NUCKS1: variants seen among roughly 807,000 people sequenced by gnomAD.
The protein encoded by NUCKS1 is nuclear ubiquitous casein and cyclin-dependent kinase substrate 1.
A neutral mutation model predicts 33.0 loss-of-function variants in NUCKS1; 2 were observed. The observed-to-expected ratio is 0.06, with a 90% CI of 0.02 to 0.19. NUCKS1 has a LOEUF of 0.19. NUCKS1 is among the 10% of genes least tolerant of loss of function. The probability of loss-of-function intolerance (pLI) is 1.00; values close to 1 mark genes in which losing one functional copy is unlikely to be tolerated. For missense variants in NUCKS1, 201 were observed against 293.6 expected (o/e 0.68, Z 2.31); for synonymous variants, 106 against 102.8 (o/e 1.03, Z -0.19).
At position 205,750,101 on chromosome 1, in the gene NUCKS1, G is replaced by T; in HGVS notation, c.-128C>A. On this transcript the variant is annotated 5_prime_UTR_variant, in exon 1 of 7. Transcript: ENST00000367142. ...CGCTGCTGCCGAACCCCGAGCTGCT[G>T]GCTTCTCAAACTCCGCTGCTCTTTG... 1 of 1,028,174 alleles carries T rather than the reference G, an allele frequency of 9.7e-7. No homozygotes were observed. The highest frequency in any genetic ancestry group is 1.4e-6 in the Non-Finnish European group (1 of 695,176). 63.7% of individuals were successfully genotyped at this position (1,028,174 alleles called of 1,614,324 possible).
At chr1:205,738,273 C>T (rs1654076339) in intron 1 of NUCKS1, among the ~76,000 whole-genome samples, 1 of 151,996 alleles carries the variant, frequency 6.6e-6, no homozygotes, top group South Asian at 2.1e-4. Context: ...AGTGATCTGC[C>T]CGCCTTGGCC....
At chr1:205,748,402 CTTTAT>C (rs1034725479) in intron 1 of NUCKS1, among the ~76,000 whole-genome samples, 32 of 152,140 alleles carry the variant, frequency 2.1e-4, no homozygotes, top group East Asian at 3.8e-4. Flanking sequence ...TAAAATAAAT[CTTTAT>C]TTTATTATTT....
chr1:205,731,279 T>C (rs535291059), intron 1 of NUCKS1: 1 of 152,470 alleles, frequency 6.6e-6, no homozygotes, highest in South Asian at 2.1e-4. Flanking sequence ...TGGGGATATA[T>C]GCATGGTCTT....
chr1:205,723,847 T>C, intron 4 of NUCKS1, 79 bp downstream of exon 4: 5 of 1,037,624 alleles, frequency 4.8e-6, no homozygotes, highest in Non-Finnish European at 5.8e-6. Flanking sequence ...GTGCCTGGCA[T>C]AGAAATCACT....
chr1:205,729,525 TC>T, intron 2 of NUCKS1, 46 bp downstream of exon 2: 1 of 1,303,966 alleles, frequency 7.7e-7, no homozygotes, highest in Non-Finnish European at 1.1e-6. Flanking sequence ...GCTGGTAACC[TC>T]CACTGGTCAG....
rs545226163 is a variant in NUCKS1 at position 205,749,487 on chromosome 1, C to T, written c.17+470G>A. Reference sequence around the variant, plus strand: ...CCGCTACAGAGAGGGCTCAGGGCCCCCACCCCCGCGCCAGTCGCTGGGGGA... The same window carrying T: ...CCGCTACAGAGAGGGCTCAGGGCCCTCACCCCCGCGCCAGTCGCTGGGGGA... On this transcript the variant is annotated intron_variant, in intron 1 of 6. Coordinates refer to ENST00000367142, the MANE Select transcript of NUCKS1 (RefSeq NM_022731.5). Among the ~76,000 whole-genome samples the T allele has an allele frequency of 7.2e-5, 11 of 152,278 alleles. No individual in the cohort carries two copies. The South Asian group carries it at 2.1e-3, about 29-fold the overall frequency.
intron 1 of NUCKS1, among the ~76,000 whole-genome samples, chr1:205,745,405 C>G (rs1654295791): frequency 6.6e-6 from 1 of 152,144 alleles, no homozygotes; most frequent in African/African-American, 2.4e-5. Context: ...GGGAGGATCA[C>G]CTGAGCCTGA....
In NUCKS1 at chr1:205,718,362, T is replaced by C. The variant is rs769946248; in HGVS notation, c.650A>G (p.Glu217Gly). Residue 217 changes from glutamate to glycine, a missense_variant, in exon 7 of 7, where the codon GAA (glutamate) becomes GGA (glycine). Coordinates refer to ENST00000367142, the MANE Select transcript of NUCKS1 (RefSeq NM_022731.5). ...EEDEEPESPP[E>G]KKTSTSPPPE... ...TGGGGGGCTTGTAGATGTTTTCTTT[T>C]CTGGCGGGCTTTCCGGTTCCTCATC... The C allele has an allele frequency of 6.2e-7, 1 of 1,613,860 alleles. No individual in the cohort carries two copies.
chr1:205,725,090 C>T (rs1302462795), intron 3 of NUCKS1, among the ~76,000 whole-genome samples: 1 of 152,116 alleles, frequency 6.6e-6, no homozygotes, highest in Non-Finnish European at 1.5e-5. Context: ...CCATGTTGCC[C>T]AGGCTGGTGA....
chr1:205,739,996 G>GGTTT (rs1654125649), intron 1 of NUCKS1, among the ~76,000 whole-genome samples: 2 of 40,206 alleles, frequency 5.0e-5, no homozygotes, highest in Non-Finnish European at 1.3e-4. Flanking sequence ...ATTTACTTTA[G>GGTTT]GTTTTTTTTT....
At chr1:205,721,676 C>CTTT (rs202035796) in intron 4 of NUCKS1, among the ~76,000 whole-genome samples, 1 of 143,526 alleles carries the variant, frequency 7.0e-6, no homozygotes, top group Non-Finnish European at 1.5e-5. Context: ...TGTGGAAAAC[C>CTTT]TTTTTTTTTT....
chr1:205,731,182 T>C (rs1459982411), intron 1 of NUCKS1: 1 of 152,210 alleles, frequency 6.6e-6, no homozygotes, highest in East Asian at 1.9e-4. Context: ...TTCTTTTGTT[T>C]CTAAACTTTT....
Position 205,727,729 on chromosome 1 carries a change from C to T in NUCKS1, c.144G>A (p.Arg48=), listed in dbSNP as rs571647553. 4 of 1,613,408 alleles carry T rather than the reference C, an allele frequency of 2.5e-6. No individual in the cohort carries two copies. Among genetic ancestry groups the T allele is most frequent in the South Asian group, 2.2e-5 (2 of 91,064 alleles). The change falls in exon 3 of 7, where the codon AGG becomes AGA. Residue 48 remains arginine, a synonymous_variant. Coordinates refer to ENST00000367142, the MANE Select transcript of NUCKS1 (RefSeq NM_022731.5). ...RSSPREAKNK[R]RSGKNSQEDS... ...CTTCCTGTGAATTCTTTCCAGATCG[C>T]CTCTTATTTTTAGCTTCTCGGGGAG...
chr1:205,740,861 A>T lies in NUCKS1; in HGVS notation c.17+9096T>A, dbSNP rs182603594. On this transcript the variant is annotated intron_variant, in intron 1 of 6. Coordinates refer to ENST00000367142, the MANE Select transcript of NUCKS1 (RefSeq NM_022731.5). ...TATACTTAGTATGTATATATATATAAAACCAATATATTACCAACTTGTTAA... is the reference window on the plus strand; with the variant it reads ...TATACTTAGTATGTATATATATATATAACCAATATATTACCAACTTGTTAA... 2.3e-3 allele frequency among the ~76,000 whole-genome samples: 344 copies of T among 151,040 alleles called. 1 individual carries two copies. Among genetic ancestry groups the T allele is most frequent in the African/African-American group, 8.1e-3 (332 of 41,152 alleles).
rs186327669 is a variant in NUCKS1, at chr1:205,728,668, T to C, written c.68-863A>G. 1.1e-4 allele frequency among the ~76,000 whole-genome samples: 17 copies of C among 152,190 alleles called. No homozygotes were observed. In the East Asian group the frequency reaches 2.9e-3, roughly 26 times the overall value. ...CTTCCCAAAGGGCACATATTATCTT[T>C]ATAAAGAAAAGTTAGAATAAAAAGA... On this transcript the variant is annotated intron_variant, in intron 2 of 6. Coordinates refer to ENST00000367142, the MANE Select transcript of NUCKS1 (RefSeq NM_022731.5).
chr1:205,727,887 T>C lies in NUCKS1; in HGVS notation c.68-82A>G, dbSNP rs548061050. The C allele has an allele frequency of 7.5e-6, 7 of 935,124 alleles. 1 individual carries two copies. Among genetic ancestry groups the C allele is most frequent in the South Asian group, 4.4e-5 (3 of 67,662 alleles). The allele number at this position is 935,124 out of a possible 1,614,324, so 57.9% of individuals were successfully genotyped here. A position where few individuals can be genotyped will look rare whatever the true frequency, so the allele number is the denominator to read the frequency against. On this transcript the variant is annotated intron_variant, in intron 2 of 6. Coordinates refer to ENST00000367142, the MANE Select transcript of NUCKS1 (RefSeq NM_022731.5). ...CTATATTTACTGACATAATTATCTC[T>C]CATGCTGTTTAAATGGTGAGAGGAG...
chr1:205,747,373 C>G (rs1229080415), intron 1 of NUCKS1, among the ~76,000 whole-genome samples: 1 of 152,164 alleles, frequency 6.6e-6, no homozygotes, highest in Non-Finnish European at 1.5e-5. Context: ...TATTTGAGCT[C>G]TCATTTAACA....
intron 3 of NUCKS1, among the ~76,000 whole-genome samples, chr1:205,724,850 T>C (rs1653694716): frequency 1.3e-5 from 2 of 152,150 alleles, no homozygotes; most frequent in South Asian, 2.1e-4. Flanking sequence ...CATCAACATA[T>C]AGTCCTGCCT....
chr1:205,731,118 T>G (rs1653899697), intron 1 of NUCKS1: 1 of 152,208 alleles, frequency 6.6e-6, no homozygotes, highest in Non-Finnish European at 1.5e-5. Flanking sequence ...GATGCTTTAT[T>G]TAAAAAACTA....
Sources: allele counts gnomAD v4.1 joint callset (sites outside exome capture counted in the v4.1 genomes callset), GRCh38; gene constraint gnomAD v4.1.1; transcripts MANE v1.5; gene names NCBI Gene and HGNC (gene_info 2026-07-23, HGNC 2026-07-21).